CDC5L: variants seen among roughly 807,000 people sequenced by gnomAD.
CDC5L encodes the protein cell division cycle 5-like protein.
In CDC5L, 18 loss-of-function variants were observed where a neutral mutation model predicts 104.1. The observed-to-expected ratio is 0.17, with a 90% confidence interval of 0.12 to 0.26. The LOEUF is 0.26. Among genes scored for constraint, CDC5L ranks in the 10% least tolerant of loss-of-function variants. CDC5L has a pLI of 1.00. For synonymous variants in CDC5L, 331 were observed against 322.7 expected (o/e 1.03, Z -0.28); for missense variants, 673 against 956.9 (o/e 0.70, Z 3.91).
chr6:44,387,730 G>C lies in CDC5L; in HGVS notation c.-94G>C. On this transcript the variant is annotated 5_prime_UTR_variant, in exon 1 of 16. Coordinates refer to ENST00000371477, the MANE Select transcript of CDC5L (RefSeq NM_001253.4). ...TCTTCAAAGCAGAAGGTCGCGCTTG[G>C]AGGAAGTGGCGGCTTTGAGTCCGGT... 1 of 1,122,010 alleles carries C rather than the reference G, an allele frequency of 8.9e-7. No individual in the cohort carries two copies. The highest frequency in any genetic ancestry group is 1.3e-6 in the Non-Finnish European group (1 of 759,202). 69.5% of individuals were successfully genotyped at this position (1,122,010 alleles called of 1,614,324 possible).
intron 8 of CDC5L, among the ~76,000 whole-genome samples, chr6:44,414,528 G>A (rs923824525): frequency 2.0e-5 from 3 of 150,884 alleles, no homozygotes; most frequent in South Asian, 2.1e-4. Flanking sequence ...GTAGAGACAG[G>A]GTCTTGCTGG....
At chr6:44,424,898 T>C (rs886118520) in intron 11 of CDC5L, among the ~76,000 whole-genome samples, 11 of 152,200 alleles carry the variant, frequency 7.2e-5, no homozygotes, top group Non-Finnish European at 2.9e-5. Context: ...AAAGATGTTA[T>C]TGGTTAGTCT....
chr6:44,395,385 T>C (rs1790824361), intron 4 of CDC5L, among the ~76,000 whole-genome samples: 1 of 152,210 alleles, frequency 6.6e-6, no homozygotes, highest in East Asian at 1.9e-4. Flanking sequence ...GATGTATCAG[T>C]TAACAGAATC....
intron 9 of CDC5L, 43 bp from the exon 10 acceptor site, chr6:44,422,604 A>G (rs752363794): frequency 7.6e-7 from 1 of 1,319,408 alleles, no homozygotes; most frequent in Non-Finnish European, 1.0e-6. Flanking sequence ...CACAATCCAA[A>G]TGTAAGTGGC....
At chr6:44,439,405 G>A (rs994595823) in intron 14 of CDC5L, among the ~76,000 whole-genome samples, 1 of 149,556 alleles carries the variant, frequency 6.7e-6, no homozygotes, top group Non-Finnish European at 1.5e-5. Flanking sequence ...CACCTCATTT[G>A]AACTTCAGGG....
At chr6:44,435,379 T>TG in intron 14 of CDC5L, among the ~76,000 whole-genome samples, 1 of 152,050 alleles carries the variant, frequency 6.6e-6, no homozygotes, top group Non-Finnish European at 1.5e-5. Context: ...GGTGTCAAAA[T>TG]TCTTATAAGT....
intron 5 of CDC5L, among the ~76,000 whole-genome samples, chr6:44,397,373 C>T (rs746054056): frequency 4.5e-4 from 69 of 152,196 alleles, no homozygotes; most frequent in Non-Finnish European, 8.1e-4. Flanking sequence ...TTTATTAACC[C>T]GTTGGGTGAA....
Position 44,424,457 on chromosome 6 carries a change from G to T in CDC5L, c.1443G>T (p.Leu481Phe), listed in dbSNP as rs767493880. 6.2e-7 allele frequency: 1 copy of T among 1,613,924 alleles called. No individual in the cohort carries two copies. The highest frequency in any genetic ancestry group is 2.2e-5 in the East Asian group (1 of 44,868). The change falls in exon 11 of 16, where the codon TTG (leucine) becomes TTT (phenylalanine). Residue 481 changes from leucine (L) to phenylalanine (F), a missense_variant. This residue lies in a region of CDC5L where 578 missense variants were observed against 737.0 expected (regional missense o/e 0.78). Coordinates refer to ENST00000371477, the MANE Select transcript of CDC5L (RefSeq NM_001253.4). ...GAGAACATCTCCGTTTAGGGTTGTT[G>T]GGCCTTCCTGCCCCTAAGAATGATT... ...ESREHLRLGL[L>F]GLPAPKNDFE...
At chr6:44,396,533 T>C (rs1790877474) in intron 5 of CDC5L, 93 bp downstream of exon 5, 1 of 783,730 alleles carries the variant, frequency 1.3e-6, no homozygotes, top group Admixed American at 2.6e-5. Flanking sequence ...GGTTTTTTTT[T>C]TTTTTTCCCC....
At chr6:44,418,652 G>C (rs1402320327) in intron 8 of CDC5L, among the ~76,000 whole-genome samples, 2 of 151,706 alleles carry the variant, frequency 1.3e-5, no homozygotes, top group African/African-American at 2.4e-5. Flanking sequence ...ATCCTCTCCA[G>C]CACCTGTTTC....
At position 44,421,215 on chromosome 6, in the gene CDC5L, G is replaced by T. The variant is rs111688428; in HGVS notation, c.1242-1432G>T. Among the ~76,000 whole-genome samples, 962 of 152,298 alleles carry T rather than the reference G, an allele frequency of 6.3e-3. 15 individuals are homozygous for T. Among genetic ancestry groups the T allele is most frequent in the African/African-American group, 0.022 (897 of 41,544 alleles). On this transcript the variant is annotated intron_variant, in intron 9 of 15. Coordinates refer to ENST00000371477, the MANE Select transcript of CDC5L (RefSeq NM_001253.4). ...TAATGCATTTCGAAGTAACTTGCAG[G>T]TAGCAGTTTGTTTGATCCCAAAACA...
chr6:44,396,026 T>C (rs1279100750), intron 4 of CDC5L, among the ~76,000 whole-genome samples: 2 of 152,242 alleles, frequency 1.3e-5, no homozygotes, highest in Non-Finnish European at 2.9e-5. Flanking sequence ...CGAGATGCTT[T>C]ACATATTTCG....
At chr6:44,421,424 A>T (rs897975019) in intron 9 of CDC5L, among the ~76,000 whole-genome samples, 1 of 152,226 alleles carries the variant, frequency 6.6e-6, no homozygotes, top group Non-Finnish European at 1.5e-5. Flanking sequence ...GTGTTAAGAT[A>T]TGTCTTCCTA....
In CDC5L at chr6:44,410,371, G is replaced by A. The variant is rs181102075; in HGVS notation, c.1092+1739G>A. Among the ~76,000 whole-genome samples, 297 of 152,284 alleles carry A rather than the reference G, an allele frequency of 2.0e-3. 4 individuals carry two copies. The highest frequency in any genetic ancestry group is 7.0e-3 in the African/African-American group (289 of 41,552). ...TGTAATGTCCTTCAGTTTCATCCAT[G>A]TTGTCACAAATGACAGGATTTCTTT... On this transcript the variant is annotated intron_variant, in intron 8 of 15. Transcript: ENST00000371477.
At chr6:44,430,709 A>C (rs1474694763) in intron 14 of CDC5L, among the ~76,000 whole-genome samples, 1 of 151,570 alleles carries the variant, frequency 6.6e-6, no homozygotes, top group African/African-American at 2.4e-5. Context: ...AGTAGCTGGG[A>C]CTACAGGCAC....
chr6:44,438,498 T>C (rs1793037991), intron 14 of CDC5L, among the ~76,000 whole-genome samples: 1 of 152,162 alleles, frequency 6.6e-6, no homozygotes, highest in African/African-American at 2.4e-5. Context: ...GCACTGGTGC[T>C]GGTAGATTTT....
chr6:44,449,999 G>A lies in CDC5L; in HGVS notation c.*3288G>A, dbSNP rs908351355. The A allele has an allele frequency of 1.6e-4, 24 of 151,176 alleles. No individual in the cohort carries two copies. Among genetic ancestry groups the A allele is most frequent in the African/African-American group, 5.8e-4 (24 of 41,228 alleles). 9.4% of individuals were successfully genotyped at this position (151,176 alleles called of 1,614,324 possible). On this transcript the variant is annotated 3_prime_UTR_variant, in exon 16 of 16. Coordinates refer to ENST00000371477, the MANE Select transcript of CDC5L (RefSeq NM_001253.4). ...CTGCCTCAGCCTTCCAAGTAGCTGG[G>A]ACTACAGGCATGTGCCACCGCACCT...
intron 10 of CDC5L, among the ~76,000 whole-genome samples, chr6:44,423,831 T>C (rs1294870813): frequency 6.6e-6 from 1 of 152,226 alleles, no homozygotes; most frequent in Non-Finnish European, 1.5e-5. Flanking sequence ...GAGTGGATTT[T>C]ATTAGTCCAA....
chr6:44,405,293 A>G (rs1251664030), intron 6 of CDC5L, among the ~76,000 whole-genome samples: 1 of 152,210 alleles, frequency 6.6e-6, no homozygotes, highest in African/African-American at 2.4e-5. Flanking sequence ...GCCATTGTAA[A>G]ATAGGATTTT....
Sources: allele counts gnomAD v4.1 joint callset (sites outside exome capture counted in the v4.1 genomes callset), GRCh38; gene constraint gnomAD v4.1.1; regional missense constraint gnomAD v4.1.1; transcripts MANE v1.5; gene names NCBI Gene and HGNC (gene_info 2026-07-23, HGNC 2026-07-21).